The following SYT9 variants were observed in gnomAD, a reference collection of about 807,000 sequenced individuals.
SYT9 encodes synaptotagmin-9.
Under a neutral mutation model 48.4 loss-of-function variants are expected in SYT9, and 22 were observed. The ratio of observed to expected loss-of-function variants is 0.45; its 90% confidence interval spans 0.32 to 0.65. The LOEUF is 0.65. Ranked by LOEUF, SYT9 falls within the 30% of genes least tolerant of loss-of-function variation. SYT9 has a pLI of 0.03. For synonymous variants in SYT9, 265 were observed against 245.0 expected (o/e 1.08, Z -0.76); for missense variants, 577 against 622.0 (o/e 0.93, Z 0.77).
chr11:7,252,083 G>A lies in SYT9; in HGVS notation c.-104G>A, dbSNP rs1847877831. The A allele has an allele frequency of 6.4e-6, 8 of 1,258,608 alleles. No homozygotes were observed. Among genetic ancestry groups the A allele is most frequent in the Non-Finnish European group, 8.1e-6 (8 of 984,286 alleles). 78.0% of individuals were successfully genotyped at this position (1,258,608 alleles called of 1,614,324 possible). ...TCGCACCGTTTCTCGGCAGGTCCCT[G>A]GCGGTGAGCGCGGACGGCCCGGAGG... is the stretch of plus-strand genomic sequence containing the variant. On this transcript the variant is annotated 5_prime_UTR_variant, in exon 1 of 7. It introduces an in-frame stop codon into an upstream open reading frame of the 5' UTR. Coordinates refer to ENST00000318881, the MANE Select transcript of SYT9 (RefSeq NM_175733.4). This position sits in a 1 kb window ranked among gnomAD's most constrained non-coding sequence, Gnocchi z 6.3.
At chr11:7,379,146 G>T (rs1564883054) in intron 3 of SYT9, among the ~76,000 whole-genome samples, 1 of 152,144 alleles carries the variant, frequency 6.6e-6, no homozygotes, top group Non-Finnish European at 1.5e-5. Context: ...AAGCCTTTCT[G>T]TAGCCCTTTA....
intron 3 of SYT9, among the ~76,000 whole-genome samples, chr11:7,367,100 G>GTTTT (rs1850264547): frequency 4.3e-5 from 1 of 23,436 alleles, no homozygotes; most frequent in African/African-American, 1.2e-4. Context: ...TTTTTTTTTC[G>GTTTT]AGACGGAGCC....
chr11:7,362,949 C>CTTTTTTTTTTTTTTT (rs35065184), intron 3 of SYT9, among the ~76,000 whole-genome samples: 3 of 17,880 alleles, frequency 1.7e-4, no homozygotes, highest in African/African-American at 3.6e-4. Flanking sequence ...ATTTATTGGC[C>CTTTTTTTTTTTTTTT]TTTTTTTTTT....
intron 3 of SYT9, among the ~76,000 whole-genome samples, chr11:7,381,728 A>G (rs1850568772): frequency 6.6e-6 from 1 of 152,230 alleles, no homozygotes. Flanking sequence ...AAGACAAGCT[A>G]GAGCTGTCTC....
intron 3 of SYT9, among the ~76,000 whole-genome samples, chr11:7,353,300 CCACTTTCCTG>C (rs1849952532): frequency 6.6e-6 from 1 of 152,158 alleles, no homozygotes; most frequent in South Asian, 2.1e-4. Flanking sequence ...CCCCCAGGAA[CCACTTTCCTG>C]CAATATGGGC....
In SYT9 at chr11:7,252,178, G is replaced by T; in HGVS notation, c.-9G>T. On this transcript the variant is annotated 5_prime_UTR_variant, in exon 1 of 7. Transcript: ENST00000318881. This position sits in a 1 kb window ranked among gnomAD's most constrained non-coding sequence, Gnocchi z 6.3. ...CCTGCCCGGCGCGGTCCGAGGATGC[G>T]GGGGGGCGATGCCCGGGGCCAGGGA... 7.0e-7 allele frequency: 1 copy of T among 1,435,404 alleles called. No homozygotes were observed. The highest frequency in any genetic ancestry group is 2.7e-5 in the Admixed American group (1 of 36,748). The allele number at this position is 1,435,404 out of a possible 1,614,324, so 88.9% of individuals were successfully genotyped here. A position where few individuals can be genotyped will look rare whatever the true frequency, so the allele number is the denominator to read the frequency against.
At chr11:7,451,754 T>G (rs536492560) in intron 6 of SYT9, among the ~76,000 whole-genome samples, 3 of 152,266 alleles carry the variant, frequency 2.0e-5, no homozygotes, top group South Asian at 4.1e-4. Context: ...TTGGCTGCTA[T>G]CTCACCATCA....
Position 7,467,996 on chromosome 11 carries a change from G to C in SYT9, c.*1196G>C. 1 of 329,234 alleles carries C rather than the reference G, an allele frequency of 3.0e-6. No homozygotes were observed. The highest frequency in any genetic ancestry group is 1.6e-4 in the South Asian group (1 of 6,362). 20.4% of individuals were successfully genotyped at this position (329,234 alleles called of 1,614,324 possible). A position where few individuals can be genotyped will look rare whatever the true frequency, so the allele number is the denominator to read the frequency against. On this transcript the variant is annotated 3_prime_UTR_variant, in exon 7 of 7. Transcript: ENST00000318881. ...TATGCGCCTCATCCTCATTGCTTCTGCCTCCACGTAAATGAAACCAAAGGC... is the reference window on the plus strand; with the variant it reads ...TATGCGCCTCATCCTCATTGCTTCTCCCTCCACGTAAATGAAACCAAAGGC...
chr11:7,249,462 T>C (rs1362265986), upstream of SYT9, among the ~76,000 whole-genome samples: 2 of 152,234 alleles, frequency 1.3e-5, no homozygotes, highest in Non-Finnish European at 2.9e-5. Context: ...GGGATAGCTA[T>C]GGCTGTCTTT....
chr11:7,379,582 G>T lies in SYT9; in HGVS notation c.1045-36460G>T, dbSNP rs1230480325. On this transcript the variant is annotated intron_variant, in intron 3 of 6. Coordinates refer to ENST00000318881, the MANE Select transcript of SYT9 (RefSeq NM_175733.4). ...TCGTTCTAATCATTGGAATCATGAA[G>T]AAGTTTAGTTTCTCTTCTGTGTGAC... Among the ~76,000 whole-genome samples, 5 of 152,056 alleles carry T rather than the reference G, an allele frequency of 3.3e-5. 1 individual carries two copies. In the East Asian group the frequency reaches 9.6e-4, roughly 29 times the overall value.
intron 3 of SYT9, among the ~76,000 whole-genome samples, chr11:7,334,817 A>T (rs1023531833): frequency 6.6e-6 from 1 of 152,192 alleles, no homozygotes; most frequent in Non-Finnish European, 1.5e-5. Flanking sequence ...TAATAATTCA[A>T]TCTTTTTATT....
At chr11:7,383,471 G>A (rs1386744) in intron 3 of SYT9, among the ~76,000 whole-genome samples, 14,129 of 152,112 alleles carry the variant, frequency 0.093, 820 homozygotes, top group South Asian at 0.16. Flanking sequence ...AAGGACCCTC[G>A]AAACTTTCCT....
chr11:7,397,682 T>C (rs2134069716), intron 3 of SYT9, among the ~76,000 whole-genome samples: 1 of 152,316 alleles, frequency 6.6e-6, no homozygotes, highest in South Asian at 2.1e-4. Context: ...TTATATCTTA[T>C]CTAATTTCTC....
intron 1 of SYT9, among the ~76,000 whole-genome samples, chr11:7,244,860 T>C (rs534697920): frequency 3.1e-4 from 47 of 152,292 alleles, no homozygotes; most frequent in African/African-American, 9.9e-4. Flanking sequence ...ATCCATGGCA[T>C]GTTGAGATGC....
chr11:7,313,176 T>A (rs1849172006), intron 2 of SYT9, among the ~76,000 whole-genome samples: 1 of 152,176 alleles, frequency 6.6e-6, no homozygotes, highest in East Asian at 1.9e-4. Flanking sequence ...ACTAGGTTCA[T>A]TTCCTGATAC....
intron 1 of SYT9, among the ~76,000 whole-genome samples, chr11:7,286,155 C>T (rs528804186): frequency 6.6e-6 from 1 of 152,260 alleles, no homozygotes; most frequent in East Asian, 1.9e-4. Context: ...TTCTGTACTT[C>T]CCTAGCAGAG....
chr11:7,378,042 A>G (rs994966998), intron 3 of SYT9, among the ~76,000 whole-genome samples: 2 of 152,042 alleles, frequency 1.3e-5, no homozygotes, highest in Non-Finnish European at 2.9e-5. Flanking sequence ...ACATAGGCAG[A>G]GAATTACCAA....
At chr11:7,367,503 A>G (rs1371239148) in intron 3 of SYT9, among the ~76,000 whole-genome samples, 1 of 152,138 alleles carries the variant, frequency 6.6e-6, no homozygotes, top group Non-Finnish European at 1.5e-5. Context: ...TGCTAATGTA[A>G]TAGACGAAAT....
intron 3 of SYT9, among the ~76,000 whole-genome samples, chr11:7,409,759 G>A (rs542756274): frequency 6.6e-6 from 1 of 152,038 alleles, no homozygotes; most frequent in African/African-American, 2.4e-5. Flanking sequence ...TTCTTGGTTA[G>A]TCTAGCTAGT....
Sources: gnomAD v4.1 joint callset for allele counts (sites outside exome capture counted in the v4.1 genomes callset) on GRCh38, gnomAD v4.1.1 for gene constraint, Gnocchi (gnomAD v3.1) non-coding constraint, MANE v1.5 for transcripts, NCBI Gene and HGNC (gene_info 2026-07-23, HGNC 2026-07-21) for gene names.